TMTC2: variants seen among roughly 807,000 people sequenced by gnomAD.
TMTC2 encodes protein O-mannosyl-transferase TMTC2.
Under a neutral mutation model 82.4 loss-of-function variants are expected in TMTC2, and 43 were observed. The observed-to-expected ratio is 0.52, with a 90% CI of 0.41 to 0.67. The LOEUF is 0.67. TMTC2 is among the 30% of genes least tolerant of loss of function. The pLI is 0.00. For missense variants in TMTC2, 919 were observed against 1,012.4 expected (o/e 0.91, Z 1.25); for synonymous variants, 408 against 381.9 (o/e 1.07, Z -0.80).
intron 2 of TMTC2, among the ~76,000 whole-genome samples, chr12:82,863,274 C>G (rs1407774585): frequency 1.3e-5 from 2 of 152,148 alleles, no homozygotes; most frequent in East Asian, 3.9e-4. Context: ...TTTATGACCC[C>G]CTTTCCTTTC....
chr12:82,822,720 A>G (rs969510003), intron 1 of TMTC2, among the ~76,000 whole-genome samples: 42 of 152,178 alleles, frequency 2.8e-4, no homozygotes, highest in Admixed American at 3.9e-4. Flanking sequence ...CCAGTAGCAA[A>G]TGGAGATTTT....
At chr12:82,805,300 G>A (rs1002670007) in intron 1 of TMTC2, among the ~76,000 whole-genome samples, 1 of 152,060 alleles carries the variant, frequency 6.6e-6, no homozygotes, top group Non-Finnish European at 1.5e-5. Flanking sequence ...CTAAATTGTG[G>A]GAGCTAAGAA....
At chr12:82,771,658 G>C (rs1877318454) in intron 1 of TMTC2, among the ~76,000 whole-genome samples, 1 of 152,080 alleles carries the variant, frequency 6.6e-6, no homozygotes, top group Non-Finnish European at 1.5e-5. Flanking sequence ...AAATTATATT[G>C]ATATATGCAT....
At chr12:82,800,139 C>T (rs1394689892) in intron 1 of TMTC2, among the ~76,000 whole-genome samples, 1 of 152,108 alleles carries the variant, frequency 6.6e-6, no homozygotes, top group African/African-American at 2.4e-5. Context: ...ACTCTGTCAA[C>T]TGAAGGTAAT....
intron 3 of TMTC2, among the ~76,000 whole-genome samples, chr12:82,920,605 T>C (rs756891668): frequency 7.9e-5 from 12 of 152,198 alleles, no homozygotes; most frequent in Non-Finnish European, 8.8e-5. Flanking sequence ...CCTTGAGATA[T>C]AAGAGTTATT....
intron 1 of TMTC2, among the ~76,000 whole-genome samples, chr12:82,739,141 C>T (rs1875268185): frequency 1.3e-5 from 1 of 77,660 alleles, no homozygotes; most frequent in African/African-American, 4.3e-5. Context: ...GAGTGAGACT[C>T]TGTCTTAAAA....
At chr12:82,862,317 T>C (rs942280593) in intron 2 of TMTC2, among the ~76,000 whole-genome samples, 4 of 152,178 alleles carry the variant, frequency 2.6e-5, no homozygotes, top group African/African-American at 4.8e-5. Flanking sequence ...GCTTGCCTAG[T>C]GGCCATTTTC....
intron 1 of TMTC2, among the ~76,000 whole-genome samples, chr12:82,696,364 C>T (rs1872788395): frequency 6.6e-6 from 1 of 152,064 alleles, no homozygotes; most frequent in South Asian, 2.1e-4. Context: ...AATTATGTTA[C>T]AGATTTATAT....
chr12:82,919,488 T>C (rs1400114120), intron 3 of TMTC2, among the ~76,000 whole-genome samples: 1 of 152,172 alleles, frequency 6.6e-6, no homozygotes, highest in Admixed American at 6.5e-5. Context: ...AAGCCTTAAC[T>C]TGTTTCCATC....
At chr12:82,779,535 G>A (rs1023982654) in intron 1 of TMTC2, among the ~76,000 whole-genome samples, 1 of 152,076 alleles carries the variant, frequency 6.6e-6, no homozygotes, top group Non-Finnish European at 1.5e-5. Flanking sequence ...CTGTAACCAA[G>A]AATAGTGAAG....
chr12:82,755,947 T>C (rs1876298915), intron 1 of TMTC2, among the ~76,000 whole-genome samples: 1 of 152,176 alleles, frequency 6.6e-6, no homozygotes. Context: ...AAAACCCTGA[T>C]ATTTGTGCTC....
chr12:83,121,342 G>T (rs1020655636), intron 11 of TMTC2, among the ~76,000 whole-genome samples: 1 of 152,162 alleles, frequency 6.6e-6, no homozygotes, highest in Non-Finnish European at 1.5e-5. Flanking sequence ...GTCCCATGGT[G>T]TGTTCCCTTG....
chr12:82,851,375 C>T (rs1870966914), intron 1 of TMTC2, among the ~76,000 whole-genome samples: 1 of 152,052 alleles, frequency 6.6e-6, no homozygotes, highest in East Asian at 1.9e-4. Flanking sequence ...GGGATCATGC[C>T]ACTGCACTCC....
intron 7 of TMTC2, among the ~76,000 whole-genome samples, chr12:82,973,130 A>G (rs1423578674): frequency 6.6e-6 from 1 of 152,150 alleles, no homozygotes; most frequent in Non-Finnish European, 1.5e-5. Context: ...CAGTAGCGTT[A>G]AGCTTTTTAT....
At chr12:83,106,447 C>T (rs770708560) in intron 11 of TMTC2, among the ~76,000 whole-genome samples, 11 of 146,376 alleles carry the variant, frequency 7.5e-5, no homozygotes, top group Middle Eastern at 4.0e-3. Context: ...TGCAGTGAGC[C>T]GAGATCACGC....
At chr12:82,994,288 G>T (rs1879522067) in intron 8 of TMTC2, among the ~76,000 whole-genome samples, 1 of 152,214 alleles carries the variant, frequency 6.6e-6, no homozygotes, top group Admixed American at 6.5e-5. Context: ...GAAGTAGCTG[G>T]GACTACAGGT....
At chr12:82,889,259 A>G (rs1348441613) in intron 2 of TMTC2, among the ~76,000 whole-genome samples, 2 of 150,994 alleles carry the variant, frequency 1.3e-5, no homozygotes, top group Non-Finnish European at 2.9e-5. Context: ...CCTGGGAGAC[A>G]GAGTCTCCAA....
chr12:82,823,714 C>A (rs1445539793), intron 1 of TMTC2, among the ~76,000 whole-genome samples: 3 of 152,052 alleles, frequency 2.0e-5, no homozygotes, highest in Non-Finnish European at 2.9e-5. Context: ...TACAGAAAAA[C>A]CCCAGGTAAC....
intron 11 of TMTC2, among the ~76,000 whole-genome samples, chr12:83,081,962 A>T (rs1883487587): frequency 6.6e-6 from 1 of 152,224 alleles, no homozygotes; most frequent in Admixed American, 6.5e-5. Flanking sequence ...ATCCTGGGCA[A>T]CAGAGTGAGA....
Sources: gnomAD v4.1 joint callset for allele counts (sites outside exome capture counted in the v4.1 genomes callset) on GRCh38, gnomAD v4.1.1 for gene constraint, MANE v1.5 for transcripts, NCBI Gene and HGNC (gene_info 2026-07-23, HGNC 2026-07-21) for gene names.